The following KCNQ3 variants were observed in gnomAD, a reference collection of about 807,000 sequenced individuals.
KCNQ3 encodes the protein potassium voltage-gated channel subfamily KQT member 3.
A neutral mutation model predicts 92.5 loss-of-function variants in KCNQ3; 30 were observed. The ratio of observed to expected loss-of-function variants is 0.32; its 90% CI spans 0.24 to 0.44. KCNQ3 has a LOEUF of 0.44. Ranked by LOEUF, KCNQ3 falls within the 20% of genes least tolerant of loss-of-function variation. KCNQ3 has a pLI of 1.00. For synonymous variants in KCNQ3, 450 were observed against 468.8 expected (o/e 0.96, Z 0.52); for missense variants, 913 against 1,140.3 (o/e 0.80, Z 2.87).
chr8:132,300,248 A>G (rs13280318), intron 1 of KCNQ3, among the ~76,000 whole-genome samples: 82,338 of 151,754 alleles, frequency 0.54, 25,431 homozygotes, highest in East Asian at 0.82. Context: ...TTTTTTTTGC[A>G]TTTTCCCTCC....
At chr8:132,255,690 T>C (rs1170672255) in intron 1 of KCNQ3, among the ~76,000 whole-genome samples, 3 of 152,180 alleles carry the variant, frequency 2.0e-5, no homozygotes, top group African/African-American at 7.2e-5. Flanking sequence ...CACAGAGACC[T>C]TTATCAATGA....
At position 132,129,996 on chromosome 8, in the gene KCNQ3, C is replaced by A. The variant is rs185511111; in HGVS notation, c.1885G>T (p.Val629Phe). Reference protein sequence around the residue: ...MGKFVKVERQVQDMGKKLDFL... With the variant: ...MGKFVKVERQFQDMGKKLDFL... Reference sequence around the variant, plus strand: ...TCCAGCTTCTTCCCCATGTCCTGAACCTGGAAAATCAAAGGAGCTGTGAAT... The same window carrying A: ...TCCAGCTTCTTCCCCATGTCCTGAAACTGGAAAATCAAAGGAGCTGTGAAT... Residue 629 changes from valine (V) to phenylalanine (F), a missense_variant and splice_region_variant, in exon 15 of 15, where the codon GTT becomes TTT. Physicochemically the swap from Val to Phe is conservative, Grantham distance 50 (BLOSUM62 -1). Around this residue, in one of 6 missense-constraint regions of KCNQ3, gnomAD observed 375 missense variants for 376.4 expected, o/e 1.00. Transcript: ENST00000388996. This position sits in a 1 kb window ranked among gnomAD's most constrained non-coding sequence, Gnocchi z 5.9. 1 of 1,612,984 alleles carries A rather than the reference C, an allele frequency of 6.2e-7. No individual in the cohort carries two copies. The highest frequency in any genetic ancestry group is 1.3e-5 in the African/African-American group (1 of 74,832).
intron 1 of KCNQ3, among the ~76,000 whole-genome samples, chr8:132,281,325 G>C (rs1420411349): frequency 6.6e-6 from 1 of 152,076 alleles, no homozygotes; most frequent in African/African-American, 2.4e-5. Context: ...AGGTGCTCTG[G>C]CACCTCAAAA....
intron 1 of KCNQ3, among the ~76,000 whole-genome samples, chr8:132,224,221 C>A (rs923403303): frequency 1.3e-5 from 2 of 150,790 alleles, no homozygotes; most frequent in African/African-American, 4.9e-5. Flanking sequence ...TAGATGTGAG[C>A]CTCTGCACCT....
intron 1 of KCNQ3, among the ~76,000 whole-genome samples, chr8:132,309,041 T>C (rs1817516670): frequency 6.6e-6 from 1 of 152,198 alleles, no homozygotes; most frequent in Non-Finnish European, 1.5e-5. Context: ...ACCCTCAATC[T>C]GGGTGGGCAC....
intron 1 of KCNQ3, among the ~76,000 whole-genome samples, chr8:132,280,553 G>A (rs576332681): frequency 6.6e-6 from 1 of 152,204 alleles, no homozygotes; most frequent in South Asian, 2.1e-4. Flanking sequence ...TCCATGACCC[G>A]AACACCTCCC....
At chr8:132,369,387 T>C (rs752054959) in intron 1 of KCNQ3, among the ~76,000 whole-genome samples, 1 of 152,168 alleles carries the variant, frequency 6.6e-6, no homozygotes, top group Admixed American at 6.5e-5. Flanking sequence ...TGTTTGAAAT[T>C]CTTCTGCACT....
At chr8:132,396,950 G>A (rs186818061) in intron 1 of KCNQ3, among the ~76,000 whole-genome samples, 1,205 of 98,498 alleles carry the variant, frequency 0.012, 7 homozygotes, top group Non-Finnish European at 0.015. Context: ...GTGTGTGTGC[G>A]TGTGTGTGTG....
At chr8:132,350,890 G>A (rs976930785) in intron 1 of KCNQ3, among the ~76,000 whole-genome samples, 2 of 152,136 alleles carry the variant, frequency 1.3e-5, no homozygotes, top group Non-Finnish European at 2.9e-5. Context: ...TCAAGAGAGA[G>A]GAATTTTTTT....
At chr8:132,244,454 G>C (rs1341318156) in intron 1 of KCNQ3, among the ~76,000 whole-genome samples, 3 of 151,924 alleles carry the variant, frequency 2.0e-5, no homozygotes, top group Non-Finnish European at 4.4e-5. Context: ...GGTAGTAAAG[G>C]CAACTAGTAG....
chr8:132,171,968 C>A (rs1427013800), intron 7 of KCNQ3, among the ~76,000 whole-genome samples: 1 of 150,050 alleles, frequency 6.7e-6, no homozygotes, highest in Non-Finnish European at 1.5e-5. Context: ...CCAGCCTGGG[C>A]AACATAGTAA....
At chr8:132,406,305 G>T (rs778010667) in intron 1 of KCNQ3, among the ~76,000 whole-genome samples, 1 of 152,154 alleles carries the variant, frequency 6.6e-6, no homozygotes, top group African/African-American at 2.4e-5. Flanking sequence ...GAGGGGACTC[G>T]GGAGGATGGG....
At chr8:132,176,961 C>T (rs1383348972) in intron 4 of KCNQ3, among the ~76,000 whole-genome samples, 1 of 152,194 alleles carries the variant, frequency 6.6e-6, no homozygotes, top group Non-Finnish European at 1.5e-5. Flanking sequence ...GGCGACCCAG[C>T]CAGCCATTCT....
At chr8:132,233,332 C>T (rs1363016997) in intron 1 of KCNQ3, among the ~76,000 whole-genome samples, 1 of 152,192 alleles carries the variant, frequency 6.6e-6, no homozygotes, top group African/African-American at 2.4e-5. Flanking sequence ...TTTTTATTTT[C>T]CCTTGCTATC....
intron 1 of KCNQ3, among the ~76,000 whole-genome samples, chr8:132,242,240 G>A (rs1050966650): frequency 1.3e-5 from 2 of 152,148 alleles, no homozygotes; most frequent in Non-Finnish European, 2.9e-5. Context: ...TCAATCAACA[G>A]ACACATATTG....
chr8:132,288,572 T>C (rs1478811898), intron 1 of KCNQ3, among the ~76,000 whole-genome samples: 4 of 152,218 alleles, frequency 2.6e-5, no homozygotes, highest in Non-Finnish European at 5.9e-5. Flanking sequence ...TCATCAAGGC[T>C]GAGACTGTCA....
rs372635944 is a variant in KCNQ3 at position 132,158,299 on chromosome 8, A to G, written c.1262+5169T>C. 2.2e-4 allele frequency among the ~76,000 whole-genome samples: 34 copies of G among 152,318 alleles called. 1 individual carries two copies. In the East Asian group the frequency reaches 3.7e-3, roughly 16 times the overall value. On this transcript the variant is annotated intron_variant, in intron 9 of 14. Transcript: ENST00000388996. ...TTACCTTTAGTAGTCATTGATTTTGAAGCATGGAAGGTGTTTGATTGCCAA... is the reference window on the plus strand; with the variant it reads ...TTACCTTTAGTAGTCATTGATTTTGGAGCATGGAAGGTGTTTGATTGCCAA...
At position 132,140,063 on chromosome 8, in the gene KCNQ3, G is replaced by GT; in HGVS notation, c.1568+12dup. 6.4e-7 allele frequency: 1 copy of GT among 1,567,852 alleles called. No individual in the cohort carries two copies. The highest frequency in any genetic ancestry group is 8.7e-7 in the Non-Finnish European group (1 of 1,152,472). On this transcript the variant is annotated intron_variant, in intron 11 of 14. Coordinates refer to ENST00000388996, the MANE Select transcript of KCNQ3 (RefSeq NM_004519.4). Reference sequence around the variant, plus strand: ...GAGGCACACAGGCACAGGTGGGACCGTGGGGGCATTACCTGACGGCTCGGA... The same window carrying GT: ...GAGGCACACAGGCACAGGTGGGACCGTTGGGGGCATTACCTGACGGCTCGGA...
At position 132,481,073 on chromosome 8, in the gene KCNQ3, G is replaced by C. The variant is rs1266398133; in HGVS notation, c.-541C>G. 6.6e-6 allele frequency: 1 copy of C among 152,552 alleles called. No individual in the cohort carries two copies. Among genetic ancestry groups the C allele is most frequent in the African/African-American group, 2.4e-5 (1 of 41,264 alleles). The allele number at this position is 152,552 out of a possible 1,614,324, so 9.4% of individuals were successfully genotyped here. A position where few individuals can be genotyped will look rare whatever the true frequency, so the allele number is the denominator to read the frequency against. On this transcript the variant is annotated 5_prime_UTR_variant, in exon 1 of 15. Transcript: ENST00000388996. Reference sequence around the variant, plus strand: ...CCTGTCAGCAGCAGCAGCAGCGAGCGCGCCGCGGGCCGAGAGCACGCCGCG... The same window carrying C: ...CCTGTCAGCAGCAGCAGCAGCGAGCCCGCCGCGGGCCGAGAGCACGCCGCG...
Sources: gnomAD v4.1 joint callset for allele counts (sites outside exome capture counted in the v4.1 genomes callset) on GRCh38, gnomAD v4.1.1 for gene constraint, gnomAD v4.1.1 regional missense constraint, Gnocchi (gnomAD v3.1) non-coding constraint, MANE v1.5 for transcripts, NCBI Gene and HGNC (gene_info 2026-07-23, HGNC 2026-07-21) for gene names.